Variants in CHSY3 observed in about 807,000 individuals in gnomAD.
CHSY3 encodes the protein N-acetylgalactosaminyl-proteoglycan 3-beta-glucuronosyltransferase 3.
CHSY3 carries 35 observed loss-of-function variants against 67.2 expected under a neutral mutation model. The observed-to-expected ratio is 0.52, with a 90% confidence interval of 0.40 to 0.69. The LOEUF (loss-of-function observed/expected upper bound fraction) is 0.69, where lower values mean the gene tolerates loss of function less well. Ranked by LOEUF, CHSY3 falls within the 30% of genes least tolerant of loss-of-function variation. CHSY3 has a pLI of 0.00. For missense variants in CHSY3, 1,069 were observed against 1,138.5 expected (o/e 0.94, Z 0.88); for synonymous variants, 474 against 434.7 (o/e 1.09, Z -1.12).
intron 2 of CHSY3, among the ~76,000 whole-genome samples, chr5:130,016,853 A>C (rs1272165745): frequency 6.6e-6 from 1 of 152,190 alleles, no homozygotes; most frequent in Middle Eastern, 3.2e-3. Context: ...GTTTAGTGGC[A>C]ATGGACCCCA....
At chr5:129,987,352 A>G (rs1763235307) in intron 2 of CHSY3, among the ~76,000 whole-genome samples, 1 of 152,206 alleles carries the variant, frequency 6.6e-6, no homozygotes, top group African/African-American at 2.4e-5. Context: ...TTACAGTACT[A>G]GAGAATGCCA....
At chr5:129,956,542 G>A (rs967858701) in intron 2 of CHSY3, among the ~76,000 whole-genome samples, 6 of 152,142 alleles carry the variant, frequency 3.9e-5, no homozygotes, top group African/African-American at 7.2e-5. Flanking sequence ...TTGCTGTGCA[G>A]AAGCTCTTGT....
At chr5:130,165,626 T>C (rs1326225244) in intron 2 of CHSY3, among the ~76,000 whole-genome samples, 1 of 152,020 alleles carries the variant, frequency 6.6e-6, no homozygotes, top group Non-Finnish European at 1.5e-5. Context: ...TTTTTTTTTC[T>C]TATAGGAGAG....
intron 2 of CHSY3, among the ~76,000 whole-genome samples, chr5:129,950,744 G>C (rs1762000712): frequency 6.6e-6 from 1 of 152,086 alleles, no homozygotes; most frequent in Non-Finnish European, 1.5e-5. Flanking sequence ...GTAAAATATT[G>C]ATGAAAGAAA....
chr5:130,017,238 C>A (rs1247714602), intron 2 of CHSY3, among the ~76,000 whole-genome samples: 1 of 150,930 alleles, frequency 6.6e-6, no homozygotes, highest in Non-Finnish European at 1.5e-5. Context: ...TGTGGAAGTT[C>A]GAGTGTATGG....
At chr5:129,985,741 C>T (rs1294071529) in intron 2 of CHSY3, among the ~76,000 whole-genome samples, 1 of 151,960 alleles carries the variant, frequency 6.6e-6, no homozygotes, top group Non-Finnish European at 1.5e-5. Context: ...GATCTTTTAC[C>T]TCCCTGGTTA....
In CHSY3 at chr5:130,184,525, T is replaced by G. The variant is rs754336317; in HGVS notation, c.1383T>G (p.Asn461Lys). The change falls in exon 3 of 3, where the codon AAT becomes AAG. Residue 461 changes from asparagine to lysine, a missense_variant. Physicochemically the swap from Asn to Lys is moderately conservative, Grantham distance 94 (BLOSUM62 0). Transcript: ENST00000305031. ...SFNHFQPRERNEVIEWEFLTG... is the reference protein window; with the variant it reads ...SFNHFQPRERKEVIEWEFLTG... The stretch of plus-strand genomic sequence containing the variant: ...ACCACTTCCAGCCTCGGGAGAGAAA[T>G]GAAGTGATAGAATGGGAGTTCCTGA... 4.3e-6 allele frequency: 7 copies of G among 1,610,138 alleles called. No individual in the cohort carries two copies. The African/African-American group carries it at 9.4e-5, about 22-fold the overall frequency.
At chr5:129,908,887 T>G (rs776195622) in intron 2 of CHSY3, among the ~76,000 whole-genome samples, 3 of 152,122 alleles carry the variant, frequency 2.0e-5, no homozygotes, top group Non-Finnish European at 4.4e-5. Context: ...AGTGTATCAT[T>G]TATGGTAGAT....
At chr5:129,925,620 A>G (rs1427474730) in intron 2 of CHSY3, among the ~76,000 whole-genome samples, 3 of 152,104 alleles carry the variant, frequency 2.0e-5, no homozygotes, top group Non-Finnish European at 4.4e-5. Context: ...AGTATACAGT[A>G]TATTATTATT....
At chr5:130,019,716 T>A (rs1350902044) in intron 2 of CHSY3, among the ~76,000 whole-genome samples, 2 of 152,252 alleles carry the variant, frequency 1.3e-5, no homozygotes, top group East Asian at 3.8e-4. Flanking sequence ...GATGTTTGTA[T>A]CAGAAAATTT....
chr5:129,904,375 C>G (rs1162718934), upstream of CHSY3: 1 of 156,968 alleles, frequency 6.4e-6, no homozygotes, highest in African/African-American at 2.4e-5. Flanking sequence ...CTCCTCCGGG[C>G]CAGCTCGGAG....
In CHSY3 at chr5:129,905,522, CTCCTA is replaced by C; in HGVS notation, c.698_702del (p.Tyr233SerfsTer21). 6.2e-7 allele frequency: 1 copy of C among 1,613,462 alleles called. No individual in the cohort carries two copies. The highest frequency in any genetic ancestry group is 8.5e-7 in the Non-Finnish European group (1 of 1,180,016). The stretch of plus-strand genomic sequence containing the variant: ...TCATCGCGCTACCGGGTGTGGACGA[CTCCTA>C]TCCTCCCCAGAAAAAGTCCTTCATG... On this transcript the variant is annotated frameshift_variant, in exon 1 of 3. Coordinates refer to ENST00000305031, the MANE Select transcript of CHSY3 (RefSeq NM_175856.5). LOFTEE classifies it high-confidence loss of function.
chr5:129,976,879 A>G (rs1019743504), intron 2 of CHSY3, among the ~76,000 whole-genome samples: 3 of 150,338 alleles, frequency 2.0e-5, no homozygotes, highest in African/African-American at 7.3e-5. Flanking sequence ...TGTTAAGACA[A>G]AGCAACCTTC....
chr5:129,990,946 C>A (rs1008492900), intron 2 of CHSY3, among the ~76,000 whole-genome samples: 1 of 152,020 alleles, frequency 6.6e-6, no homozygotes, highest in Admixed American at 6.6e-5. Flanking sequence ...CAAGAGGTGA[C>A]ACCTAGGATA....
chr5:129,916,157 A>G (rs950693807), intron 2 of CHSY3, among the ~76,000 whole-genome samples: 6 of 152,250 alleles, frequency 3.9e-5, no homozygotes, highest in Non-Finnish European at 8.8e-5. Flanking sequence ...CAAGGATGTT[A>G]TGTCTCACTC....
At chr5:130,048,456 T>C (rs1765222095) in intron 2 of CHSY3, among the ~76,000 whole-genome samples, 1 of 152,084 alleles carries the variant, frequency 6.6e-6, no homozygotes. Context: ...TTCACTCTTT[T>C]TGTATAATTA....
chr5:130,036,840 A>G (rs1167736814), intron 2 of CHSY3, among the ~76,000 whole-genome samples: 3 of 152,094 alleles, frequency 2.0e-5, no homozygotes, highest in African/African-American at 4.8e-5. Flanking sequence ...CTAAATGTTA[A>G]AGATAGAAGA....
At chr5:129,974,363 A>G (rs1454250114) in intron 2 of CHSY3, among the ~76,000 whole-genome samples, 1 of 152,068 alleles carries the variant, frequency 6.6e-6, no homozygotes, top group Non-Finnish European at 1.5e-5. Context: ...GACCTTTAAT[A>G]TGAGTTAGAC....
intron 2 of CHSY3, among the ~76,000 whole-genome samples, chr5:130,038,286 A>G (rs537829119): frequency 1.3e-5 from 2 of 152,030 alleles, no homozygotes; most frequent in African/African-American, 4.8e-5. Flanking sequence ...GTACCTCTTT[A>G]TGTTTCTCTA....
Sources: allele counts gnomAD v4.1 joint callset (sites outside exome capture counted in the v4.1 genomes callset), GRCh38; gene constraint gnomAD v4.1.1; transcripts MANE v1.5; gene names NCBI Gene and HGNC (gene_info 2026-07-23, HGNC 2026-07-21).